CCDC141: variants seen among roughly 807,000 people sequenced by gnomAD.
CCDC141 encodes coiled-coil domain containing 141, also known as coiled-coil domain-containing protein 141.
A neutral mutation model predicts 181.0 loss-of-function variants in CCDC141; 168 were observed. The observed-to-expected ratio is 0.93, with a 90% CI of 0.82 to 1.05. CCDC141 has a LOEUF of 1.05. Among genes scored for constraint, CCDC141 ranks in the 50% least tolerant of loss-of-function variants. The pLI, the probability that CCDC141 is intolerant of heterozygous loss-of-function variation, is 0.00. For missense variants in CCDC141, 1,902 were observed against 1,788.5 expected (o/e 1.06, Z -1.14); for synonymous variants, 666 against 642.3 (o/e 1.04, Z -0.56).
chr2:179,005,179 A>G (rs1033972177), intron 2 of CCDC141, among the ~76,000 whole-genome samples: 11 of 152,328 alleles, frequency 7.2e-5, no homozygotes, highest in African/African-American at 2.6e-4. Context: ...TTTCAACTAC[A>G]CATGATTAAT....
rs1357052592 is a variant in CCDC141 at position 178,853,526 on chromosome 2, C to T, written c.3159G>A (p.Gln1053=). 1.9e-6 allele frequency: 3 copies of T among 1,614,008 alleles called. No homozygotes were observed. Among genetic ancestry groups the T allele is most frequent in the Non-Finnish European group, 1.7e-6 (2 of 1,179,990 alleles). The change falls in exon 20 of 24, where the codon CAG becomes CAA. Residue 1053 remains glutamine, a synonymous_variant. Coordinates refer to ENST00000443758, the MANE Select transcript of CCDC141 (RefSeq NM_173648.4). ...AGGGTGCAATAAACTTATTAAACTG[C>T]TGGTGGAGAATTTTCACAGCTTCCT... is the stretch of plus-strand genomic sequence containing the variant. ...KTKEAVKILH[Q]QFNKFIAPSV...
intron 2 of CCDC141, among the ~76,000 whole-genome samples, chr2:179,026,983 G>A (rs928936298): frequency 6.6e-6 from 1 of 152,198 alleles, no homozygotes; most frequent in African/African-American, 2.4e-5. Context: ...TACCTTCATT[G>A]TATCTAGGAA....
At chr2:178,835,464 T>C (rs1462789959) in intron 23 of CCDC141, among the ~76,000 whole-genome samples, 1 of 152,252 alleles carries the variant, frequency 6.6e-6, no homozygotes, top group Non-Finnish European at 1.5e-5. Context: ...TTTATTTATT[T>C]CTACCCACAA....
At position 179,050,065 on chromosome 2, in the gene CCDC141, C is replaced by T; in HGVS notation, c.-124G>A. 5 of 1,428,038 alleles carry T rather than the reference C, an allele frequency of 3.5e-6. No homozygotes were observed. The highest frequency in any genetic ancestry group is 2.5e-5 in the Admixed American group (1 of 40,496). The allele number at this position is 1,428,038 out of a possible 1,614,324, so 88.5% of individuals were successfully genotyped here. A position where few individuals can be genotyped will look rare whatever the true frequency, so the allele number is the denominator to read the frequency against. ...GAAAGAGCTCAGCTCACACTGATTA[C>T]TCTGCCAAAAGGAAAGAACAGGAGG... On this transcript the variant is annotated 5_prime_UTR_variant, in exon 1 of 24. Coordinates refer to ENST00000443758, the MANE Select transcript of CCDC141 (RefSeq NM_173648.4).
intron 5 of CCDC141, among the ~76,000 whole-genome samples, chr2:178,951,353 A>G (rs1272231067): frequency 6.6e-6 from 1 of 152,110 alleles, no homozygotes; most frequent in Non-Finnish European, 1.5e-5. Context: ...AAAGTTTGAC[A>G]TTTTCATTTT....
intron 19 of CCDC141, among the ~76,000 whole-genome samples, chr2:178,854,849 T>C (rs982542283): frequency 6.6e-6 from 1 of 152,188 alleles, no homozygotes; most frequent in Non-Finnish European, 1.5e-5. Flanking sequence ...AACTTTAACT[T>C]GCCAAATTTC....
At position 178,974,410 on chromosome 2, in the gene CCDC141, C is replaced by A. The variant is rs377580614; in HGVS notation, c.526+647G>T. On this transcript the variant is annotated intron_variant, in intron 4 of 23. Transcript: ENST00000443758. ...TTCCATTGCAAAAGATGACAGGTAA[C>A]TACTACTTTTCCACAAATGCGTTTC... Among the ~76,000 whole-genome samples the A allele has an allele frequency of 3.9e-5, 6 of 152,300 alleles. No individual in the cohort carries two copies. In the East Asian group the frequency reaches 5.8e-4, roughly 15 times the overall value.
intron 11 of CCDC141, among the ~76,000 whole-genome samples, chr2:178,879,251 A>C (rs1200778625): frequency 6.6e-6 from 1 of 152,244 alleles, no homozygotes; most frequent in Non-Finnish European, 1.5e-5. Flanking sequence ...CAATAATACT[A>C]ATGGCTGACA....
At chr2:178,945,853 G>GCACACACACACACACACACA (rs10649193) in intron 5 of CCDC141, among the ~76,000 whole-genome samples, 6 of 149,472 alleles carry the variant, frequency 4.0e-5, no homozygotes, top group African/African-American at 1.5e-4. Context: ...ACACATGCGT[G>GCACACACACACACACACACA]CACACACACA....
chr2:179,022,980 G>C (rs2042730173), intron 2 of CCDC141, among the ~76,000 whole-genome samples: 1 of 152,100 alleles, frequency 6.6e-6, no homozygotes, highest in Non-Finnish European at 1.5e-5. Context: ...CCCCAAATAA[G>C]TGGGATCTCA....
At position 179,049,847 on chromosome 2, in the gene CCDC141, ACAGCTATAACGATTTTGGAGTCCC is replaced by A; in HGVS notation, c.71_94del (p.Gly24_Ala31del). ...AGGAAGTTGTTAGCTTACCTTTATG[ACAGCTATAACGATTTTGGAGTCCC>A]CAGCCTGCACAGCAACTGAACTGAC... On this transcript the variant is annotated inframe_deletion, in exon 1 of 24. Transcript: ENST00000443758. The A allele has an allele frequency of 6.4e-7, 1 of 1,550,744 alleles. No homozygotes were observed.
intron 8 of CCDC141, among the ~76,000 whole-genome samples, chr2:178,891,128 T>G (rs910235049): frequency 2.0e-5 from 3 of 152,210 alleles, no homozygotes; most frequent in African/African-American, 7.2e-5. Context: ...CATGATTAGT[T>G]ATACATGTTA....
intron 5 of CCDC141, among the ~76,000 whole-genome samples, chr2:178,949,859 A>G (rs1689879185): frequency 6.6e-6 from 1 of 152,232 alleles, no homozygotes; most frequent in Admixed American, 6.5e-5. Context: ...TCTGATGGCC[A>G]AGGATAAACA....
In CCDC141 at chr2:178,981,636, GTATATA is replaced by G. The variant is rs1193430874; in HGVS notation, c.226-2967_226-2962del. On this transcript the variant is annotated intron_variant, in intron 2 of 23. Transcript: ENST00000443758. ...TTTGTAGCATTGAATGTGTGTGTGTGTATATATATATATATATATATACATACATAT... is the reference window on the plus strand; with the variant it reads ...TTTGTAGCATTGAATGTGTGTGTGTGTATATATATATATATACATACATAT... 4.6e-4 allele frequency among the ~76,000 whole-genome samples: 29 copies of G among 62,396 alleles called. No individual in the cohort carries two copies. In the East Asian group the frequency reaches 8.0e-3, roughly 17 times the overall value. 40.9% of individuals were successfully genotyped at this position (62,396 alleles called of 152,430 possible). A position where few individuals can be genotyped will look rare whatever the true frequency, so the allele number is the denominator to read the frequency against.
chr2:178,870,860 G>A (rs1425261105), intron 14 of CCDC141, among the ~76,000 whole-genome samples: 1 of 152,188 alleles, frequency 6.6e-6, no homozygotes, highest in Non-Finnish European at 1.5e-5. Flanking sequence ...TGGAGAGGCA[G>A]GAGGTGGGGA....
chr2:178,907,838 T>TA (rs1052039105), intron 7 of CCDC141, among the ~76,000 whole-genome samples: 330 of 146,940 alleles, frequency 2.2e-3, no homozygotes, highest in African/African-American at 6.9e-3. Flanking sequence ...TACTAAAAAT[T>TA]AAAAAAAAAA....
chr2:179,029,468 C>A (rs1026761041), intron 2 of CCDC141, among the ~76,000 whole-genome samples: 8 of 152,080 alleles, frequency 5.3e-5, no homozygotes, highest in Non-Finnish European at 8.8e-5. Context: ...CAATGACTGG[C>A]ATATAGTAGA....
At chr2:178,900,942 T>C (rs867721356) in intron 8 of CCDC141, among the ~76,000 whole-genome samples, 1 of 152,124 alleles carries the variant, frequency 6.6e-6, no homozygotes, top group African/African-American at 2.4e-5. Flanking sequence ...AGCCTTATGA[T>C]TGCATTAGTT....
intron 6 of CCDC141, among the ~76,000 whole-genome samples, chr2:178,934,641 A>G (rs1168101380): frequency 6.6e-6 from 1 of 152,232 alleles, no homozygotes; most frequent in Non-Finnish European, 1.5e-5. Context: ...AAGAGCTATG[A>G]AAGTTGCTGT....
Sources: gnomAD v4.1 joint callset for allele counts (sites outside exome capture counted in the v4.1 genomes callset) on GRCh38, gnomAD v4.1.1 for gene constraint, MANE v1.5 for transcripts, NCBI Gene and HGNC (gene_info 2026-07-23, HGNC 2026-07-21) for gene names.